SCIN: variants seen among roughly 807,000 people sequenced by gnomAD.
SCIN encodes scinderin, also known as adseverin.
In SCIN, 91 loss-of-function variants were observed where a neutral mutation model predicts 91.8. The ratio of observed to expected loss-of-function variants is 0.99; its 90% CI spans 0.84 to 1.18. The LOEUF is 1.18. SCIN is among the 50% of genes most tolerant of loss of function. The pLI is 0.00. For missense variants in SCIN, 1,087 were observed against 863.9 expected, an observed-to-expected ratio of 1.26 and a Z score of -3.24; for synonymous variants, 367 against 312.6, an observed-to-expected ratio of 1.17 and a Z score of -1.84.
At chr7:12,580,242 A>G (rs1782459997) in intron 2 of SCIN, among the ~76,000 whole-genome samples, 1 of 152,076 alleles carries the variant, frequency 6.6e-6, no homozygotes, top group African/African-American at 2.4e-5. Flanking sequence ...CATATAATTA[A>G]TTATAATTAA....
intron 9 of SCIN, among the ~76,000 whole-genome samples, chr7:12,632,341 G>A (rs1321900138): frequency 1.3e-5 from 2 of 152,004 alleles, no homozygotes; most frequent in African/African-American, 4.8e-5. Flanking sequence ...ATGTTGGCCA[G>A]GCTGGTCTTG....
At chr7:12,607,376 A>G (rs765007863) in intron 4 of SCIN, among the ~76,000 whole-genome samples, 3 of 152,208 alleles carry the variant, frequency 2.0e-5, no homozygotes, top group Non-Finnish European at 4.4e-5. Flanking sequence ...GCATGTACAT[A>G]TGTGGTGTCC....
intron 3 of SCIN, among the ~76,000 whole-genome samples, chr7:12,586,608 A>G (rs1782592491): frequency 6.6e-6 from 1 of 152,212 alleles, no homozygotes; most frequent in East Asian, 1.9e-4. Flanking sequence ...GGACATTAGT[A>G]TATCAAAGGG....
At position 12,657,558 on chromosome 7, in the gene SCIN, ATATATATATATATATTTTTTTTT is replaced by A. The variant is rs1247983626; in HGVS notation, c.*4845_*4867del. On this transcript the variant is annotated 3_prime_UTR_variant, in exon 16 of 16. Coordinates refer to ENST00000297029, the MANE Select transcript of SCIN (RefSeq NM_001112706.3). The stretch of plus-strand genomic sequence containing the variant: ...TGTGTGTATATATATATATATATAT[ATATATATATATATATTTTTTTTT>A]TTTTTTTTTTTTTTTTTGCATTGGC... The A allele has an allele frequency of 1.6e-4, 3 of 19,096 alleles. No individual in the cohort carries two copies. The highest frequency in any genetic ancestry group is 2.3e-4 in the Non-Finnish European group (2 of 8,558). The allele number at this position is 19,096 out of a possible 1,614,324, so 1.2% of individuals were successfully genotyped here.
At chr7:12,586,463 G>A (rs914290626) in intron 3 of SCIN, among the ~76,000 whole-genome samples, 16 of 151,982 alleles carry the variant, frequency 1.1e-4, no homozygotes, top group African/African-American at 3.6e-4. Context: ...CGAGAAAAGG[G>A]AACTCTTATA....
intron 6 of SCIN, 66 bp from the exon 7 acceptor site, chr7:12,625,696 A>C: frequency 9.1e-7 from 1 of 1,096,850 alleles, no homozygotes; most frequent in Non-Finnish European, 1.4e-6. Flanking sequence ...GTACACAAGT[A>C]TTTCTTAATC....
intron 5 of SCIN, among the ~76,000 whole-genome samples, chr7:12,623,998 A>G (rs930336388): frequency 2.0e-5 from 3 of 152,224 alleles, no homozygotes; most frequent in African/African-American, 4.8e-5. Context: ...CACATCATCA[A>G]CCAAAACTGT....
At position 12,636,094 on chromosome 7, in the gene SCIN, A is replaced by T. The variant is rs1170645737; in HGVS notation, c.1369A>T (p.Thr457Ser). 6.2e-7 allele frequency: 1 copy of T among 1,613,056 alleles called. No homozygotes were observed. The highest frequency in any genetic ancestry group is 1.7e-5 in the Admixed American group (1 of 59,922). ...TGAGCTGACAACATCTGCGTTCCTG[A>T]CTGTTCAGTTGGATCGGTCCCTTGG... ...RDELTTSAFL[T>S]VQLDRSLGGQ... Residue 457 changes from threonine (T) to serine (S), a missense_variant, in exon 10 of 16, where the codon ACT becomes TCT. Physicochemically the swap from Thr to Ser is moderately conservative, Grantham distance 58. Coordinates refer to ENST00000297029, the MANE Select transcript of SCIN (RefSeq NM_001112706.3).
At chr7:12,636,853 A>T (rs1783762718) in intron 10 of SCIN, among the ~76,000 whole-genome samples, 1 of 152,156 alleles carries the variant, frequency 6.6e-6, no homozygotes, top group South Asian at 2.1e-4. Flanking sequence ...CCCTAATTTG[A>T]TCACTATACA....
intron 8 of SCIN, among the ~76,000 whole-genome samples, chr7:12,628,521 G>C (rs1017828569): frequency 1.3e-5 from 2 of 152,080 alleles, no homozygotes; most frequent in Admixed American, 1.3e-4. Flanking sequence ...CACTCATGAA[G>C]GCTCCAGCCT....
At chr7:12,577,254 A>G (rs1304461595) in intron 1 of SCIN, among the ~76,000 whole-genome samples, 2 of 152,182 alleles carry the variant, frequency 1.3e-5, no homozygotes, top group East Asian at 3.8e-4. Context: ...AGGGAAAAAG[A>G]CCAAAAAATA....
intron 3 of SCIN, among the ~76,000 whole-genome samples, chr7:12,585,059 A>G (rs1415939569): frequency 1.3e-4 from 20 of 151,990 alleles, no homozygotes; most frequent in Non-Finnish European, 1.5e-5. Context: ...TCTCCTCACT[A>G]TTTATAAATG....
At position 12,653,924 on chromosome 7, in the gene SCIN, A is replaced by G. The variant is rs1784128557; in HGVS notation, c.*1209A>G. 1 of 152,032 alleles carries G rather than the reference A, an allele frequency of 6.6e-6. No individual in the cohort carries two copies. The highest frequency in any genetic ancestry group is 2.4e-5 in the African/African-American group (1 of 41,374). The allele number at this position is 152,032 out of a possible 1,614,324, so 9.4% of individuals were successfully genotyped here. A position where few individuals can be genotyped will look rare whatever the true frequency, so the allele number is the denominator to read the frequency against. On this transcript the variant is annotated 3_prime_UTR_variant, in exon 16 of 16. Coordinates refer to ENST00000297029, the MANE Select transcript of SCIN (RefSeq NM_001112706.3). The surrounding 1 kb of genome is among the most constrained non-coding windows in gnomAD (Gnocchi z 4.1). ...ATTCCATTCCATTCTATTCTATTCT[A>G]TTATTTCATTCTATTTTATTTCCAA...
At chr7:12,576,801 C>CG (rs1782381322) in intron 1 of SCIN, among the ~76,000 whole-genome samples, 2 of 152,104 alleles carry the variant, frequency 1.3e-5, no homozygotes, top group African/African-American at 4.8e-5. Flanking sequence ...AAAATAGGTT[C>CG]TGCTTTATGA....
intron 11 of SCIN, among the ~76,000 whole-genome samples, chr7:12,642,738 T>C (rs1030008843): frequency 2.6e-5 from 4 of 151,814 alleles, no homozygotes; most frequent in African/African-American, 9.7e-5. Flanking sequence ...ATTGAGCAAT[T>C]CTTTTTTCAC....
intron 15 of SCIN, 48 bp from the exon 16 acceptor site, chr7:12,652,540 G>C (rs746586100): frequency 6.4e-6 from 10 of 1,574,018 alleles, no homozygotes; most frequent in Non-Finnish European, 8.6e-6. Context: ...AGTTACTTTA[G>C]TTTAACCCAA....
rs1167625950 is a variant in SCIN, at chr7:12,651,877, G to A, written c.1996G>A (p.Glu666Lys). Reference sequence around the variant, plus strand: ...GATTGGCAAAGATGCTAATGAAGTTGAGAAAAAAGAATCTCTGAAGTCTGG... The same window carrying A: ...GATTGGCAAAGATGCTAATGAAGTTAAGAAAAAAGAATCTCTGAAGTCTGG... ...IWIGKDANEV[E>K]KKESLKSAKM... The change falls in exon 15 of 16, where the codon GAG becomes AAG. Residue 666 changes from glutamate to lysine, a missense_variant. Transcript: ENST00000297029. This position sits in a 1 kb window ranked among gnomAD's most constrained non-coding sequence, Gnocchi z 5.9. 6 of 1,602,780 alleles carry A rather than the reference G, an allele frequency of 3.7e-6. No homozygotes were observed. Among genetic ancestry groups the A allele is most frequent in the Non-Finnish European group, 5.1e-6 (6 of 1,172,784 alleles).
At chr7:12,573,893 T>A (rs185589782) in intron 1 of SCIN, among the ~76,000 whole-genome samples, 1 of 152,248 alleles carries the variant, frequency 6.6e-6, no homozygotes, top group East Asian at 1.9e-4. Context: ...ACAAAGAACT[T>A]ATACGAAGGA....
At chr7:12,584,544 C>G (rs1006955661) in intron 3 of SCIN, among the ~76,000 whole-genome samples, 1 of 152,050 alleles carries the variant, frequency 6.6e-6, no homozygotes, top group African/African-American at 2.4e-5. Context: ...ACCTCCTCAG[C>G]CTGAGGCATA....
Sources: gnomAD v4.1 joint callset for allele counts (sites outside exome capture counted in the v4.1 genomes callset) on GRCh38, gnomAD v4.1.1 for gene constraint, Gnocchi (gnomAD v3.1) non-coding constraint, MANE v1.5 for transcripts, NCBI Gene and HGNC (gene_info 2026-07-23, HGNC 2026-07-21) for gene names.